Variants in SLC24A2 observed in about 807,000 individuals in gnomAD.
SLC24A2 encodes the protein sodium/potassium/calcium exchanger 2.
SLC24A2 carries 36 observed loss-of-function variants against 62.0 expected under a neutral mutation model. The observed-to-expected ratio is 0.58, with a 90% confidence interval of 0.44 to 0.77. The LOEUF is 0.77. SLC24A2 is among the 30% of genes least tolerant of loss of function. SLC24A2 has a pLI of 0.00. For missense variants in SLC24A2, 846 were observed against 817.9 expected (o/e 1.03, Z -0.42); for synonymous variants, 358 against 294.0 (o/e 1.22, Z -2.23).
intron 8 of SLC24A2, among the ~76,000 whole-genome samples, chr9:19,531,560 G>A (rs1408251923): frequency 2.0e-5 from 3 of 152,216 alleles, no homozygotes; most frequent in South Asian, 2.1e-4. Context: ...GAGTGATATC[G>A]GCTTGGCTTG....
chr9:20,034,598 C>T, the SLC24A2 span, among the ~76,000 whole-genome samples: 2 of 151,864 alleles, frequency 1.3e-5, no homozygotes, highest in Non-Finnish European at 2.9e-5. Flanking sequence ...TCCCGAGGAG[C>T]TGGGATTACA....
At chr9:20,034,400 G>A in the SLC24A2 span, among the ~76,000 whole-genome samples, 2 of 149,790 alleles carry the variant, frequency 1.3e-5, no homozygotes, top group Non-Finnish European at 3.0e-5. Flanking sequence ...TTTACAAATG[G>A]ATTCAGCTGC....
At chr9:19,723,805 G>A (rs983149983) in intron 2 of SLC24A2, among the ~76,000 whole-genome samples, 1 of 151,816 alleles carries the variant, frequency 6.6e-6, no homozygotes, top group African/African-American at 2.4e-5. Flanking sequence ...AACTCAAAAA[G>A]TTTTTTTCTA....
At chr9:19,774,131 A>G (rs2118903340) in intron 2 of SLC24A2, among the ~76,000 whole-genome samples, 1 of 152,324 alleles carries the variant, frequency 6.6e-6, no homozygotes. Flanking sequence ...GAAGAAGAGT[A>G]GGCTTGTAGC....
the SLC24A2 span, among the ~76,000 whole-genome samples, chr9:20,137,044 G>T: frequency 1.3e-5 from 2 of 152,130 alleles, no homozygotes; most frequent in Admixed American, 6.6e-5. Context: ...CTCACACAAG[G>T]TTGGCATCTG....
intron 8 of SLC24A2, among the ~76,000 whole-genome samples, chr9:19,543,278 C>T (rs1203479125): frequency 6.6e-6 from 1 of 151,976 alleles, no homozygotes; most frequent in Non-Finnish European, 1.5e-5. Context: ...GGTGATATCC[C>T]CTTTATCATT....
At chr9:20,235,623 C>T in the SLC24A2 span, among the ~76,000 whole-genome samples, 2 of 152,194 alleles carry the variant, frequency 1.3e-5, no homozygotes, top group East Asian at 1.9e-4. Flanking sequence ...TCTAGGTGCC[C>T]TCTGTCACCC....
chr9:20,100,579 C>T, the SLC24A2 span, among the ~76,000 whole-genome samples: 789 of 152,314 alleles, frequency 5.2e-3, 11 homozygotes, highest in African/African-American at 0.018. Context: ...TCATCAAGTT[C>T]ACTACTCTAT....
At chr9:19,990,313 C>T in the SLC24A2 span, among the ~76,000 whole-genome samples, 2 of 152,000 alleles carry the variant, frequency 1.3e-5, no homozygotes, top group Non-Finnish European at 2.9e-5. Context: ...CACCTACGGT[C>T]AGAAGATATC....
At chr9:20,264,853 T>C in the SLC24A2 span, among the ~76,000 whole-genome samples, 6 of 152,226 alleles carry the variant, frequency 3.9e-5, no homozygotes, top group Non-Finnish European at 7.3e-5. Flanking sequence ...GTGGTATTAA[T>C]GCCTTCCAGA....
intron 5 of SLC24A2, among the ~76,000 whole-genome samples, chr9:19,581,085 G>A (rs146340056): frequency 2.0e-5 from 3 of 152,202 alleles, no homozygotes; most frequent in African/African-American, 7.2e-5. Flanking sequence ...GTTGCTGTAG[G>A]AGAATTGTTG....
chr9:20,302,380 T>G, the SLC24A2 span, among the ~76,000 whole-genome samples: 1 of 152,258 alleles, frequency 6.6e-6, no homozygotes, highest in Non-Finnish European at 1.5e-5. Flanking sequence ...TTGCTTCCCA[T>G]CCTTGTCAGC....
At chr9:19,598,022 A>G (rs1885219) in intron 4 of SLC24A2, among the ~76,000 whole-genome samples, 133,058 of 152,150 alleles carry the variant, frequency 0.87, 58,400 homozygotes, top group Non-Finnish European at 0.91. Context: ...CTATAATGGA[A>G]ACCCCTGGCA....
At chr9:19,923,299 T>C in the SLC24A2 span, among the ~76,000 whole-genome samples, 1 of 152,236 alleles carries the variant, frequency 6.6e-6, no homozygotes, top group Admixed American at 6.5e-5. Flanking sequence ...TTTCCTTTAA[T>C]GCATCACATA....
At chr9:19,552,965 A>C (rs1343295881) in intron 7 of SLC24A2, among the ~76,000 whole-genome samples, 23 of 152,204 alleles carry the variant, frequency 1.5e-4, no homozygotes, top group Non-Finnish European at 2.9e-5. Flanking sequence ...TAGGGCAGAA[A>C]TGGACTAGGA....
chr9:19,986,805 C>A, the SLC24A2 span, among the ~76,000 whole-genome samples: 3 of 151,936 alleles, frequency 2.0e-5, no homozygotes, highest in African/African-American at 4.8e-5. Context: ...GAAGTAACTA[C>A]TTAATGGGTA....
chr9:19,558,871 T>C (rs910589228), intron 7 of SLC24A2, among the ~76,000 whole-genome samples: 1 of 152,230 alleles, frequency 6.6e-6, no homozygotes, highest in East Asian at 1.9e-4. Context: ...TAAAAAGGTA[T>C]GTGCCTATAT....
chr9:20,167,898 T>A, the SLC24A2 span, among the ~76,000 whole-genome samples: 31 of 151,844 alleles, frequency 2.0e-4, no homozygotes, highest in South Asian at 8.3e-4. Flanking sequence ...TTTTTTTTTT[T>A]TATATTCGAC....
Position 19,588,239 on chromosome 9 carries a change from A to G in SLC24A2, c.1129+8990T>C, listed in dbSNP as rs148138220. Among the ~76,000 whole-genome samples, 353 of 150,268 alleles carry G rather than the reference A, an allele frequency of 2.3e-3. 1 individual carries two copies. The highest frequency in any genetic ancestry group is 8.3e-3 in the African/African-American group (338 of 40,730). On this transcript the variant is annotated intron_variant, in intron 5 of 10. Transcript: ENST00000341998. Reference sequence around the variant, plus strand: ...ACAGAGAACATCTATTCAAGTGCCCAGAAAAATCCTCTGGTTATGAAAGTT... The same window carrying G: ...ACAGAGAACATCTATTCAAGTGCCCGGAAAAATCCTCTGGTTATGAAAGTT...
Sources: allele counts gnomAD v4.1 joint callset (sites outside exome capture counted in the v4.1 genomes callset), GRCh38; gene constraint gnomAD v4.1.1; transcripts MANE v1.5; gene names NCBI Gene and HGNC (gene_info 2026-07-23, HGNC 2026-07-21).